The following OAS1 variants were observed in gnomAD, a reference collection of about 807,000 sequenced individuals.
OAS1 encodes the protein 2'-5'-oligoadenylate synthetase 1.
In OAS1, 24 loss-of-function variants were observed where a neutral mutation model predicts 38.5. That is an observed-to-expected ratio of 0.62 (90% CI 0.45 to 0.88). The LOEUF is 0.88. Among genes scored for constraint, OAS1 ranks in the 40% least tolerant of loss-of-function variants. The pLI, the probability that OAS1 is intolerant of heterozygous loss-of-function variation, is 0.00. For missense variants in OAS1, 482 were observed against 493.9 expected, an observed-to-expected ratio of 0.98 and a Z score of 0.23; for synonymous variants, 169 against 193.9, an observed-to-expected ratio of 0.87 and a Z score of 1.07.
At chr12:112,923,544 C>T (rs904118406), downstream of OAS1, among the ~76,000 whole-genome samples, 15 of 152,180 alleles carry the variant, frequency 9.9e-5, no homozygotes, top group Non-Finnish European at 1.3e-4. Flanking sequence ...ATCCTTAGCC[C>T]ATTTTTAAAT....
In OAS1 at chr12:112,919,804, A is replaced by T. The variant is rs1156686527; in HGVS notation, c.*251A>T. The T allele has an allele frequency of 7.2e-7, 1 of 1,385,570 alleles. No homozygotes were observed. Among genetic ancestry groups the T allele is most frequent in the African/African-American group, 1.5e-5 (1 of 68,684 alleles). 85.8% of individuals were successfully genotyped at this position (1,385,570 alleles called of 1,614,324 possible). ...CCTGAGAGAGAACAGAGAGATTTAGATAAGAGAATGAAATTCCAGCCTTGA... is the reference window on the plus strand; with the variant it reads ...CCTGAGAGAGAACAGAGAGATTTAGTTAAGAGAATGAAATTCCAGCCTTGA... On this transcript the variant is annotated 3_prime_UTR_variant, in exon 6 of 6. Transcript: ENST00000202917.
chr12:112,908,082 C>A (rs2043320718), intron 1 of OAS1, among the ~76,000 whole-genome samples: 2 of 152,222 alleles, frequency 1.3e-5, no homozygotes, highest in Admixed American at 1.3e-4. Context: ...CAGTTTCAGG[C>A]AGGCCGCTCC....
intron 3 of OAS1, among the ~76,000 whole-genome samples, chr12:112,916,005 G>A (rs2043449091): frequency 6.6e-6 from 1 of 152,158 alleles, no homozygotes; most frequent in Non-Finnish European, 1.5e-5. Flanking sequence ...TGAGGTTTTG[G>A]ATTATGTATA....
intron 3 of OAS1, among the ~76,000 whole-genome samples, chr12:112,911,728 C>G (rs918570787): frequency 6.6e-6 from 1 of 152,182 alleles, no homozygotes; most frequent in African/African-American, 2.4e-5. Context: ...TTATCTGCAA[C>G]GAGTAGCATG....
intron 1 of OAS1, 79 bp from the exon 2 acceptor site, chr12:112,908,457 T>G (rs2043326461): frequency 1.4e-6 from 2 of 1,379,998 alleles, no homozygotes; most frequent in East Asian, 2.3e-5. Context: ...CTCCATAATG[T>G]TAGTGATTGC....
At chr12:112,922,611 C>A (rs2043537410), downstream of OAS1, among the ~76,000 whole-genome samples, 1 of 152,162 alleles carries the variant, frequency 6.6e-6, no homozygotes, top group African/African-American at 2.4e-5. Flanking sequence ...AGGCCACCAC[C>A]AGAACACCTC....
downstream of OAS1, among the ~76,000 whole-genome samples, chr12:112,923,688 C>T (rs940788712): frequency 6.6e-6 from 1 of 152,074 alleles, no homozygotes; most frequent in South Asian, 2.1e-4. Flanking sequence ...TGATTGTTTC[C>T]TTTGCTATGC....
chr12:112,910,120 C>G (rs1455673710), intron 2 of OAS1, among the ~76,000 whole-genome samples: 3 of 152,300 alleles, frequency 2.0e-5, no homozygotes, highest in African/African-American at 7.2e-5. Context: ...GTAATCTCAG[C>G]ACTTTGGGAG....
downstream of OAS1, chr12:112,932,409 T>C (rs1365700969): frequency 6.5e-6 from 1 of 153,202 alleles, no homozygotes; most frequent in Non-Finnish European, 1.5e-5. Context: ...CTGGCCAACA[T>C]GGTGAAACTG....
chr12:112,914,350 C>A (rs924425781), intron 3 of OAS1, among the ~76,000 whole-genome samples: 3 of 152,176 alleles, frequency 2.0e-5, no homozygotes, highest in African/African-American at 7.2e-5. Context: ...GATTGATGGG[C>A]ATTTGGGCTG....
intron 3 of OAS1, among the ~76,000 whole-genome samples, chr12:112,912,649 G>T (rs2043401560): frequency 1.3e-5 from 2 of 152,132 alleles, no homozygotes; most frequent in Non-Finnish European, 2.9e-5. Flanking sequence ...ATTAATGAGG[G>T]TGTTTTTGGT....
intron 5 of OAS1, chr12:112,917,979 T>G: frequency 2.0e-5 from 27 of 1,341,556 alleles, no homozygotes; most frequent in Non-Finnish European, 2.2e-5. Context: ...GCTCAGGTTC[T>G]GTCCTAAGCC....
chr12:112,932,672 T>C (rs1480177978), downstream of OAS1: 4 of 152,278 alleles, frequency 2.6e-5, no homozygotes, highest in Non-Finnish European at 4.4e-5. Flanking sequence ...ACTCAGTGCT[T>C]ATCTGATGCC....
intron 3 of OAS1, among the ~76,000 whole-genome samples, chr12:112,914,651 G>T (rs768257314): frequency 6.6e-6 from 1 of 150,978 alleles, no homozygotes; most frequent in Non-Finnish European, 1.5e-5. Flanking sequence ...GAGTGAGGTG[G>T]TATCACATTG....
At chr12:112,932,143 T>G, downstream of OAS1, 1 of 485,670 alleles carries the variant, frequency 2.1e-6, no homozygotes, top group Non-Finnish European at 3.6e-6. Context: ...TCCCTCCCTC[T>G]CTTCCTCCCT....
intron 3 of OAS1, among the ~76,000 whole-genome samples, chr12:112,914,999 G>T (rs2043437284): frequency 6.7e-6 from 1 of 149,682 alleles, no homozygotes; most frequent in South Asian, 2.1e-4. Context: ...TGATTCGTTT[G>T]AGTTCTTTGT....
intron 6 of OAS1, among the ~76,000 whole-genome samples, chr12:112,930,003 G>T (rs189146815): frequency 1.3e-5 from 2 of 152,288 alleles, no homozygotes; most frequent in Non-Finnish European, 1.5e-5. Flanking sequence ...GGTGGGGCCT[G>T]TTGGGAGGTG....
chr12:112,930,109 G>A lies in OAS1; in HGVS notation c.1168-1769G>A, dbSNP rs189537852. Among the ~76,000 whole-genome samples the A allele has an allele frequency of 2.2e-4, 34 of 152,156 alleles. 1 individual carries two copies. The highest frequency in any genetic ancestry group is 2.9e-5 in the Non-Finnish European group (2 of 68,012). On this transcript the variant is annotated intron_variant, in intron 6 of 6. Transcript: ENST00000540589. ...GAGTACATTCTCATGAGACCTGGTT[G>A]TTTAAAACTGGGTGGCACCTCCTCC...
intron 6 of OAS1, among the ~76,000 whole-genome samples, chr12:112,925,939 A>G (rs2043555741): frequency 6.6e-6 from 1 of 152,180 alleles, no homozygotes; most frequent in South Asian, 2.1e-4. Flanking sequence ...TATTATGATG[A>G]TTATTCAAAA....
Sources: allele counts gnomAD v4.1 joint callset (sites outside exome capture counted in the v4.1 genomes callset), GRCh38; gene constraint gnomAD v4.1.1; transcripts MANE v1.5; gene names NCBI Gene and HGNC (gene_info 2026-07-23, HGNC 2026-07-21).